Variants in PAK3 observed in about 807,000 individuals in gnomAD.
PAK3 encodes the protein p21 (RAC1) activated kinase 3, also known as serine/threonine-protein kinase PAK 3.
Under a neutral mutation model 41.0 loss-of-function variants are expected in PAK3, and 4 were observed. That is an observed-to-expected ratio of 0.10 (90% CI 0.05 to 0.22). The LOEUF is 0.22. PAK3 is among the 10% of genes least tolerant of loss of function. PAK3 has a pLI of 1.00. For synonymous variants in PAK3, 146 were observed against 139.6 expected (o/e 1.05, Z -0.32); for missense variants, 205 against 409.9 (o/e 0.50, Z 4.32).
At chrX:111,097,785 G>T in intron 3 of PAK3, 101 bp downstream of exon 3, 1 of 111,818 alleles carries the variant, frequency 8.9e-6, no homozygotes, top group South Asian at 3.9e-4. Context: ...TGGGCAAAAA[G>T]ACTTGATATG....
chrX:110,966,977 G>A (rs766764568), intron 1 of PAK3, among the ~76,000 whole-genome samples: 4 of 112,279 alleles, frequency 3.6e-5, no homozygotes, highest in Non-Finnish European at 5.6e-5. Context: ...GTTGTCCTAT[G>A]TGTATTGCAA....
At chrX:111,202,186 A>G (rs1399126357) in intron 16 of PAK3, among the ~76,000 whole-genome samples, 1 of 111,947 alleles carries the variant, frequency 8.9e-6, no homozygotes, top group African/African-American at 3.2e-5. Flanking sequence ...ATTGCCTATT[A>G]ACATATTGTT....
intron 16 of PAK3, among the ~76,000 whole-genome samples, chrX:111,211,253 A>G: frequency 9.0e-6 from 1 of 110,974 alleles, no homozygotes; most frequent in Non-Finnish European, 1.9e-5. Context: ...GGGGCAAATC[A>G]TACAGGACTG....
intron 17 of PAK3, chrX:111,217,478 T>A (rs766325645): frequency 8.2e-5 from 78 of 955,342 alleles, no homozygotes; most frequent in Non-Finnish European, 9.6e-5. Flanking sequence ...TACAGCGCAT[T>A]AACCACAGAT....
intron 1 of PAK3, among the ~76,000 whole-genome samples, chrX:111,063,081 T>C (rs770811589): frequency 2.0e-3 from 220 of 112,244 alleles, no homozygotes; most frequent in African/African-American, 6.3e-3. Flanking sequence ...CTCAAAAGAA[T>C]CTCTGTCTCC....
chrX:111,045,915 T>A (rs1347430437), intron 1 of PAK3, among the ~76,000 whole-genome samples: 1 of 111,749 alleles, frequency 8.9e-6, no homozygotes, highest in African/African-American at 3.3e-5. Context: ...TGATCACCTC[T>A]ATTTGACCCT....
At chrX:111,053,984 A>G (rs1285172653) in intron 1 of PAK3, among the ~76,000 whole-genome samples, 1 of 112,251 alleles carries the variant, frequency 8.9e-6, no homozygotes, top group Non-Finnish European at 1.9e-5. Flanking sequence ...GCAATTACAC[A>G]ATCTGGATAC....
intron 1 of PAK3, among the ~76,000 whole-genome samples, chrX:110,957,452 T>C (rs1336110210): frequency 1.8e-5 from 2 of 112,223 alleles, no homozygotes; most frequent in Admixed American, 1.9e-4. Context: ...CCTCTGGTAG[T>C]AAAGGACTGG....
At chrX:111,148,750 G>A (rs1013426778) in intron 7 of PAK3, among the ~76,000 whole-genome samples, 7 of 110,709 alleles carry the variant, frequency 6.3e-5, no homozygotes, top group Non-Finnish European at 1.1e-4. Context: ...ACCCACCCCC[G>A]GGTCCCTCCC....
chrX:111,127,714 T>C (rs920299635), intron 5 of PAK3, among the ~76,000 whole-genome samples: 21 of 111,625 alleles, frequency 1.9e-4, no homozygotes, highest in African/African-American at 6.8e-4. Context: ...GAGTCAAATG[T>C]GTGGTCAATG....
At chrX:110,967,060 C>T (rs1277645141) in intron 1 of PAK3, among the ~76,000 whole-genome samples, 2 of 112,104 alleles carry the variant, frequency 1.8e-5, no homozygotes, top group African/African-American at 6.5e-5. Flanking sequence ...GGCACATGCT[C>T]AGCTCCCAGT....
chrX:110,957,688 G>A (rs897826781), intron 1 of PAK3, among the ~76,000 whole-genome samples: 1 of 111,006 alleles, frequency 9.0e-6, no homozygotes, highest in Non-Finnish European at 1.9e-5. Flanking sequence ...TATGGTAGAG[G>A]CACAAAAATT....
At chrX:111,047,612 C>T (rs987891489) in intron 1 of PAK3, among the ~76,000 whole-genome samples, 9 of 111,006 alleles carry the variant, frequency 8.1e-5, no homozygotes, top group Non-Finnish European at 1.7e-4. Context: ...TAGCTTGTGT[C>T]GGCTTCCGCA....
chrX:111,161,535 C>T (rs1202488962), intron 8 of PAK3, among the ~76,000 whole-genome samples: 5 of 110,673 alleles, frequency 4.5e-5, no homozygotes, highest in African/African-American at 1.7e-4. Flanking sequence ...ACATGAAGTC[C>T]TTGCCCATGC....
intron 1 of PAK3, among the ~76,000 whole-genome samples, chrX:111,029,117 C>A (rs1480436869): frequency 2.7e-5 from 3 of 111,534 alleles, no homozygotes; most frequent in African/African-American, 9.8e-5. Flanking sequence ...AGCCTGGTAA[C>A]AGAGCAAGAC....
intron 1 of PAK3, among the ~76,000 whole-genome samples, chrX:111,070,090 T>G (rs60238653): frequency 9.0e-5 from 10 of 111,431 alleles, no homozygotes; most frequent in African/African-American, 3.3e-4. Flanking sequence ...TTCCATTATA[T>G]GGGTACAAGG....
chrX:111,212,521 T>C (rs1603397473), intron 16 of PAK3, among the ~76,000 whole-genome samples: 1 of 111,876 alleles, frequency 8.9e-6, no homozygotes, highest in East Asian at 2.8e-4. Flanking sequence ...AGTGATTAGG[T>C]TCCCAGGCCA....
At chrX:111,063,819 C>T (rs1372752558) in intron 1 of PAK3, among the ~76,000 whole-genome samples, 7 of 14,389 alleles carry the variant, frequency 4.9e-4, no homozygotes, top group East Asian at 4.6e-3. Context: ...GAGACTGTCT[C>T]GAAAAAAAAA....
intron 5 of PAK3, among the ~76,000 whole-genome samples, chrX:111,132,355 C>T (rs777292984): frequency 1.3e-4 from 14 of 111,488 alleles, no homozygotes; most frequent in Admixed American, 9.5e-5. Flanking sequence ...CTAGCCATCT[C>T]CACTGTTTCT....
Sources: gnomAD v4.1 joint callset for allele counts (sites outside exome capture counted in the v4.1 genomes callset) on GRCh38, gnomAD v4.1.1 for gene constraint, MANE v1.5 for transcripts, NCBI Gene and HGNC (gene_info 2026-07-23, HGNC 2026-07-21) for gene names.